The following ASPH variants were observed in gnomAD, a reference collection of about 807,000 sequenced individuals.
ASPH encodes aspartate beta-hydroxylase.
Under a neutral mutation model 118.4 loss-of-function variants are expected in ASPH, and 100 were observed. That is an observed-to-expected ratio of 0.84 (90% confidence interval 0.72 to 1.00). ASPH has a LOEUF of 1.00. Among genes scored for constraint, ASPH ranks in the 50% least tolerant of loss-of-function variants. The probability of loss-of-function intolerance (pLI) is 0.00; values close to 1 mark genes in which losing one functional copy is unlikely to be tolerated. For synonymous variants in ASPH, 315 were observed against 325.6 expected (o/e 0.97, Z 0.35); for missense variants, 920 against 919.5 (o/e 1.00, Z -0.01).
chr8:61,680,842 A>T (rs1827699201), intron 3 of ASPH, 126 bp downstream of exon 3: 2 of 663,534 alleles, frequency 3.0e-6, no homozygotes, highest in Non-Finnish European at 4.7e-6. Flanking sequence ...CAGTAATGAA[A>T]TATATGATTT....
At chr8:61,573,994 A>T (rs189186425) in intron 16 of ASPH, among the ~76,000 whole-genome samples, 5 of 152,222 alleles carry the variant, frequency 3.3e-5, no homozygotes, top group African/African-American at 1.2e-4. Flanking sequence ...AACTTAAACA[A>T]ATTTACAAGA....
At chr8:61,639,077 A>G (rs1803831667) in intron 10 of ASPH, among the ~76,000 whole-genome samples, 1 of 152,224 alleles carries the variant, frequency 6.6e-6, no homozygotes, top group South Asian at 2.1e-4. Flanking sequence ...ATTGGGGTAC[A>G]GCAGGGAACA....
rs369489395 is a variant in ASPH at position 61,714,023 on chromosome 8, C to T, written c.103+246G>A. Among the ~76,000 whole-genome samples the T allele has an allele frequency of 1.2e-4, 19 of 152,392 alleles. No individual in the cohort carries two copies. The South Asian group carries it at 2.7e-3, about 22-fold the overall frequency. On this transcript the variant is annotated intron_variant, in intron 1 of 24. Transcript: ENST00000379454. Reference sequence around the variant, plus strand: ...CGGCTGCGCCCTGCAGGTGAAGGAACCGCTGGGAAGGGGCTCCCCGAGACT... The same window carrying T: ...CGGCTGCGCCCTGCAGGTGAAGGAATCGCTGGGAAGGGGCTCCCCGAGACT...
chr8:61,523,833 T>C (rs1425757191), intron 22 of ASPH, among the ~76,000 whole-genome samples: 1 of 151,718 alleles, frequency 6.6e-6, no homozygotes, highest in South Asian at 2.1e-4. Context: ...CTTATACCTG[T>C]AATCTCAGCA....
intron 1 of ASPH, among the ~76,000 whole-genome samples, chr8:61,704,176 C>T (rs373206921): frequency 9.2e-6 from 1 of 109,208 alleles, no homozygotes. Flanking sequence ...GCCTGGGCGA[C>T]AGAGCGAGAC....
intron 14 of ASPH, among the ~76,000 whole-genome samples, chr8:61,584,919 A>C (rs992270916): frequency 3.9e-5 from 6 of 152,022 alleles, no homozygotes; most frequent in Non-Finnish European, 8.8e-5. Flanking sequence ...CTCCTTATAA[A>C]GTTTCTCCTG....
At chr8:61,532,243 A>G (rs1385900014) in intron 21 of ASPH, among the ~76,000 whole-genome samples, 1 of 152,072 alleles carries the variant, frequency 6.6e-6, no homozygotes, top group Non-Finnish European at 1.5e-5. Flanking sequence ...GTATGAGGTG[A>G]TATCTCACTG....
At chr8:61,594,345 T>C (rs1456482127) in intron 14 of ASPH, among the ~76,000 whole-genome samples, 1 of 152,244 alleles carries the variant, frequency 6.6e-6, no homozygotes, top group Admixed American at 6.5e-5. Flanking sequence ...CTTTAAATAA[T>C]TGTTTCTATG....
chr8:61,598,878 A>G lies in ASPH; in HGVS notation c.977-14849T>C, dbSNP rs1051754705. The stretch of plus-strand genomic sequence containing the variant: ...TTTACAAATACATGAAAATTAAACA[A>G]CATGCTCCTGAATGGCCACTGAGTC... On this transcript the variant is annotated intron_variant, in intron 14 of 24. Coordinates refer to ENST00000379454, the MANE Select transcript of ASPH (RefSeq NM_004318.4). 3.0e-4 allele frequency among the ~76,000 whole-genome samples: 46 copies of G among 152,220 alleles called. 1 individual carries two copies. The highest frequency in any genetic ancestry group is 2.4e-5 in the African/African-American group (1 of 41,456).
intron 1 of ASPH, among the ~76,000 whole-genome samples, chr8:61,704,236 G>C (rs1487265937): frequency 8.7e-6 from 1 of 115,570 alleles, no homozygotes; most frequent in Non-Finnish European, 1.8e-5. Context: ...AAAAAAAACA[G>C]AGGGGCTCAG....
chr8:61,670,171 C>A (rs1351947498), intron 3 of ASPH, among the ~76,000 whole-genome samples: 1 of 151,144 alleles, frequency 6.6e-6, no homozygotes, highest in African/African-American at 2.4e-5. Flanking sequence ...AAGTATACCA[C>A]CAAAAACAGT....
intron 15 of ASPH, chr8:61,578,780 A>T (rs1230786861): frequency 6.3e-7 from 1 of 1,590,038 alleles, no homozygotes; most frequent in African/African-American, 1.3e-5. Flanking sequence ...ATAAGCATAC[A>T]GAGATGGAGA....
intron 14 of ASPH, among the ~76,000 whole-genome samples, chr8:61,611,681 G>A (rs1847416922): frequency 6.6e-6 from 1 of 152,172 alleles, no homozygotes. Context: ...GAAGCAAGGG[G>A]AAATTCCAGA....
At position 61,502,406 on chromosome 8, in the gene ASPH, C is replaced by CATT. The variant is rs1257308169; in HGVS notation, c.*952_*953insAAT. The CATT allele has an allele frequency of 6.6e-6, 1 of 152,184 alleles. No individual in the cohort carries two copies. Among genetic ancestry groups the CATT allele is most frequent in the Non-Finnish European group, 1.5e-5 (1 of 68,040 alleles). 9.4% of individuals were successfully genotyped at this position (152,184 alleles called of 1,614,324 possible). On this transcript the variant is annotated 3_prime_UTR_variant, in exon 25 of 25. Transcript: ENST00000379454. ...GCTTCCTGACATTCACATGGATCTA[C>CATT]CATAGGCAAAGACACTGTGTTCCCA...
intron 14 of ASPH, among the ~76,000 whole-genome samples, chr8:61,606,123 A>G (rs1466856079): frequency 2.0e-5 from 3 of 152,216 alleles, no homozygotes; most frequent in Non-Finnish European, 4.4e-5. Flanking sequence ...ACTGCAGAGA[A>G]TGCACATGTA....
At chr8:61,588,660 T>TTCATG (rs1840184826) in intron 14 of ASPH, among the ~76,000 whole-genome samples, 1 of 152,240 alleles carries the variant, frequency 6.6e-6, no homozygotes, top group Non-Finnish European at 1.5e-5. Flanking sequence ...ACACTATTTA[T>TTCATG]TCATGTCATT....
At chr8:61,671,278 C>T (rs913305557) in intron 3 of ASPH, among the ~76,000 whole-genome samples, 3 of 152,130 alleles carry the variant, frequency 2.0e-5, no homozygotes, top group African/African-American at 7.2e-5. Context: ...TGCCAAAATG[C>T]CACAAGCATG....
At chr8:61,620,483 CTTTTT>C (rs765635863) in intron 13 of ASPH, among the ~76,000 whole-genome samples, 1 of 142,114 alleles carries the variant, frequency 7.0e-6, no homozygotes, top group Non-Finnish European at 1.5e-5. Context: ...TAATGCAGGA[CTTTTT>C]TTTTTTTTTA....
intron 21 of ASPH, 104 bp downstream of exon 21, chr8:61,547,967 A>T: frequency 7.0e-7 from 1 of 1,437,238 alleles, no homozygotes; most frequent in Non-Finnish European, 9.3e-7. Flanking sequence ...ACTAGAAATA[A>T]AATCTATCTC....
Sources: allele counts gnomAD v4.1 joint callset (sites outside exome capture counted in the v4.1 genomes callset), GRCh38; gene constraint gnomAD v4.1.1; transcripts MANE v1.5; gene names NCBI Gene and HGNC (gene_info 2026-07-23, HGNC 2026-07-21).